Variants in OR5M1 observed in about 807,000 individuals in gnomAD.
OR5M1 encodes the protein olfactory receptor 5M1.
For missense variants in OR5M1, 367 were observed against 379.5 expected (o/e 0.97, Z 0.27); for synonymous variants, 165 against 144.2 (o/e 1.14, Z -1.04).
chr11:56,609,611 C>A lies in OR5M1; in HGVS notation c.*2944G>T, dbSNP rs901547109. ...AAAAATTTAGCAGGAGTTTCAAAAG[C>A]ATTGAAAACATTTAATTCAGCAGTT... On this transcript the variant is annotated 3_prime_UTR_variant, in exon 2 of 2. Transcript: ENST00000641076. 5 of 151,814 alleles carry A rather than the reference C, an allele frequency of 3.3e-5. No homozygotes were observed. The highest frequency in any genetic ancestry group is 1.2e-4 in the African/African-American group (5 of 41,394). 9.4% of individuals were successfully genotyped at this position (151,814 alleles called of 1,614,324 possible).
Position 56,613,425 on chromosome 11 carries a change from G to T in OR5M1, c.78C>A (p.Ile26=). ...GLTDDPVLEK[I]LFGVFLAIYL... is the part of the protein sequence containing the mutation. ...AGATCGCAAGGAATACCCCAAACAG[G>T]ATCTTCTCTAGCACTGGGTCGTCTG... The change falls in exon 2 of 2, where the codon ATC becomes ATA. Residue 26 remains isoleucine (I), a synonymous_variant. Coordinates refer to ENST00000641076, the MANE Select transcript of OR5M1 (RefSeq NM_001004740.2). The T allele has an allele frequency of 1.9e-6, 3 of 1,613,622 alleles. No homozygotes were observed. The highest frequency in any genetic ancestry group is 2.5e-6 in the Non-Finnish European group (3 of 1,179,658).
At position 56,609,425 on chromosome 11, in the gene OR5M1, C is replaced by A. The variant is rs999213841; in HGVS notation, c.*3130G>T. 4.6e-5 allele frequency: 7 copies of A among 151,886 alleles called. No homozygotes were observed. 9.4% of individuals were successfully genotyped at this position (151,886 alleles called of 1,614,324 possible). On this transcript the variant is annotated 3_prime_UTR_variant, in exon 2 of 2. Transcript: ENST00000641076. ...AATTTTTATTCTGTGCTTATTAGAACAGAATTATTTTCTAAGACTTCCCTT... is the reference window on the plus strand; with the variant it reads ...AATTTTTATTCTGTGCTTATTAGAAAAGAATTATTTTCTAAGACTTCCCTT...
chr11:56,609,488 C>T lies in OR5M1; in HGVS notation c.*3067G>A, dbSNP rs567750728. The T allele has an allele frequency of 6.6e-6, 1 of 151,890 alleles. No individual in the cohort carries two copies. Among genetic ancestry groups the T allele is most frequent in the Non-Finnish European group, 1.5e-5 (1 of 67,844 alleles). 9.4% of individuals were successfully genotyped at this position (151,890 alleles called of 1,614,324 possible). On this transcript the variant is annotated 3_prime_UTR_variant, in exon 2 of 2. Transcript: ENST00000641076. ...AAGCAAATAACCATAAACAAGAGCTCCTACTACTGATAGAGTTATAGTGAA... is the reference window on the plus strand; with the variant it reads ...AAGCAAATAACCATAAACAAGAGCTTCTACTACTGATAGAGTTATAGTGAA...
Position 56,613,142 on chromosome 11 carries a change from C to T in OR5M1, c.361G>A (p.Asp121Asn). ...EFYILASMAL[D>N]RYVAICSPLH... ...GGGCTGCAAATGGCTACATAGCGAT[C>T]CAATGCCATTGAAGCAAGGATGTAA... The change falls in exon 2 of 2, where the codon GAT (aspartate) becomes AAT (asparagine). Residue 121 changes from aspartate to asparagine, a missense_variant. Coordinates refer to ENST00000641076, the MANE Select transcript of OR5M1 (RefSeq NM_001004740.2). The T allele has an allele frequency of 6.2e-7, 1 of 1,613,784 alleles. No individual in the cohort carries two copies. Among genetic ancestry groups the T allele is most frequent in the South Asian group, 1.1e-5 (1 of 91,078 alleles).
rs1853657956 is a variant in OR5M1 at position 56,610,201 on chromosome 11, T to C, written c.*2354A>G. 1 of 152,060 alleles carries C rather than the reference T, an allele frequency of 6.6e-6. No homozygotes were observed. Among genetic ancestry groups the C allele is most frequent in the Non-Finnish European group, 1.5e-5 (1 of 67,946 alleles). The allele number at this position is 152,060 out of a possible 1,614,324, so 9.4% of individuals were successfully genotyped here. On this transcript the variant is annotated 3_prime_UTR_variant, in exon 2 of 2. Transcript: ENST00000641076. ...GTATGCCTTTGCGACTGGGAAAATA[T>C]ATTAATAAAATGCAGCCTAAATAGC...
chr11:56,612,794 C>T lies in OR5M1; in HGVS notation c.709G>A (p.Ala237Thr). ...RIRSAEGRHK[A>T]FSTCASHLTI... Reference sequence around the variant, plus strand: ...AGGTGGGAAGCACACGTAGAAAAGGCTTTGTGCCTGCCTTCAGCAGAACGG... The same window carrying T: ...AGGTGGGAAGCACACGTAGAAAAGGTTTTGTGCCTGCCTTCAGCAGAACGG... The change falls in exon 2 of 2, where the codon GCC becomes ACC. Residue 237 changes from alanine (A) to threonine (T), a missense_variant. Ala to Thr is a moderately conservative substitution (Grantham distance 58, BLOSUM62 0). Transcript: ENST00000641076. 1 of 1,613,734 alleles carries T rather than the reference C, an allele frequency of 6.2e-7. No individual in the cohort carries two copies. The highest frequency in any genetic ancestry group is 8.5e-7 in the Non-Finnish European group (1 of 1,179,766).
chr11:56,609,344 C>A lies in OR5M1; in HGVS notation c.*3211G>T, dbSNP rs1363819555. 6.6e-6 allele frequency: 1 copy of A among 151,834 alleles called. No homozygotes were observed. Among genetic ancestry groups the A allele is most frequent in the East Asian group, 1.9e-4 (1 of 5,184 alleles). 9.4% of individuals were successfully genotyped at this position (151,834 alleles called of 1,614,324 possible). ...TCATGCAAGAAATTATCAGCAATAG[C>A]ATGAAGAGAAATTATCAACCTTATG... is the stretch of plus-strand genomic sequence containing the variant. On this transcript the variant is annotated 3_prime_UTR_variant, in exon 2 of 2. Coordinates refer to ENST00000641076, the MANE Select transcript of OR5M1 (RefSeq NM_001004740.2).
rs1853673433 is a variant in OR5M1 at position 56,611,207 on chromosome 11, C to G, written c.*1348G>C. 1.3e-5 allele frequency: 2 copies of G among 152,048 alleles called. No homozygotes were observed. Among genetic ancestry groups the G allele is most frequent in the Admixed American group, 1.3e-4 (2 of 15,222 alleles). 9.4% of individuals were successfully genotyped at this position (152,048 alleles called of 1,614,324 possible). On this transcript the variant is annotated 3_prime_UTR_variant, in exon 2 of 2. Transcript: ENST00000641076. The stretch of plus-strand genomic sequence containing the variant: ...TCCTCTGTTGTCCCACCATCATTGC[C>G]AAAACCAAGCAAATACAAAAACAAA...
Position 56,612,597 on chromosome 11 carries a change from T to C in OR5M1, c.906A>G (p.Gln302=). 6.2e-7 allele frequency: 1 copy of C among 1,606,348 alleles called. No individual in the cohort carries two copies. Among genetic ancestry groups the C allele is most frequent in the South Asian group, 1.1e-5 (1 of 89,060 alleles). The change falls in exon 2 of 2, where the codon CAA becomes CAG. Residue 302 remains glutamine (Q), a synonymous_variant. Transcript: ENST00000641076. The part of the protein sequence containing the change: ...LRNTDVILAM[Q]QMIRGKSFHK... ...GAAAGGATTTTCCCCTAATCATTTG[T>C]TGCATGGCAAGGATTACATCTGTGT...
At position 56,609,274 on chromosome 11, in the gene OR5M1, A is replaced by G. The variant is rs930040616; in HGVS notation, c.*3281T>C. The G allele has an allele frequency of 6.6e-6, 1 of 151,988 alleles. No homozygotes were observed. The highest frequency in any genetic ancestry group is 1.5e-5 in the Non-Finnish European group (1 of 67,856). 9.4% of individuals were successfully genotyped at this position (151,988 alleles called of 1,614,324 possible). On this transcript the variant is annotated 3_prime_UTR_variant, in exon 2 of 2. Coordinates refer to ENST00000641076, the MANE Select transcript of OR5M1 (RefSeq NM_001004740.2). ...GATGAGGAAAACTTACATAACAGCA[A>G]TAAGCAAAAGGTCACATTTTTCCAA...
Position 56,612,461 on chromosome 11 carries a change from G to T in OR5M1, c.*94C>A. On this transcript the variant is annotated 3_prime_UTR_variant, in exon 2 of 2. Coordinates refer to ENST00000641076, the MANE Select transcript of OR5M1 (RefSeq NM_001004740.2). ...AGTAAAGTGGTTACTGACAGTCCATGATGTTAAATAAATCACGACTACACT... is the reference window on the plus strand; with the variant it reads ...AGTAAAGTGGTTACTGACAGTCCATTATGTTAAATAAATCACGACTACACT... 2.4e-6 allele frequency: 2 copies of T among 847,970 alleles called. No individual in the cohort carries two copies. Among genetic ancestry groups the T allele is most frequent in the Non-Finnish European group, 3.7e-6 (2 of 538,110 alleles). 52.5% of individuals were successfully genotyped at this position (847,970 alleles called of 1,614,324 possible). A position where few individuals can be genotyped will look rare whatever the true frequency, so the allele number is the denominator to read the frequency against.
Position 56,613,345 on chromosome 11 carries a change from G to C in OR5M1, c.158C>G (p.Ser53Cys). 1 of 1,613,690 alleles carries C rather than the reference G, an allele frequency of 6.2e-7. No individual in the cohort carries two copies. Among genetic ancestry groups the C allele is most frequent in the Non-Finnish European group, 8.5e-7 (1 of 1,179,666 alleles). Residue 53 changes from serine (S) to cysteine (C), a missense_variant, in exon 2 of 2, where the codon TCC becomes TGC. Physicochemically the swap from Ser to Cys is moderately radical, Grantham distance 112 (BLOSUM62 -1). Transcript: ENST00000641076. ...GAAATACATGGGTGTTTGCAGGTGG[G>C]AATTGGTCCTGATCAGCAGGATCAT... The part of the protein sequence containing the change: ...LCMILLIRTN[S>C]HLQTPMYFFL...
rs777854353 is a variant in OR5M1 at position 56,613,380 on chromosome 11, G to T, written c.123C>A (p.Gly41=). 8.7e-6 allele frequency: 14 copies of T among 1,613,582 alleles called. No homozygotes were observed. In the East Asian group the frequency reaches 2.5e-4, roughly 28 times the overall value. ...TGATCAGCAGGATCATGCACAGGTT[G>T]CCTGCCAGTGTGATTAGGTAGATCG... is the stretch of plus-strand genomic sequence containing the variant. ...FLAIYLITLA[G]NLCMILLIRT... is the part of the protein sequence containing the mutation. The change falls in exon 2 of 2, where the codon GGC becomes GGA. Residue 41 remains glycine, a synonymous_variant. Transcript: ENST00000641076.
chr11:56,614,028 T>C (rs746533153), intron 1 of OR5M1, among the ~76,000 whole-genome samples: 85 of 152,200 alleles, frequency 5.6e-4, no homozygotes, highest in Non-Finnish European at 5.6e-4. Flanking sequence ...TTAAGACCCA[T>C]AGCTGTGTGC....
chr11:56,614,113 G>GA (rs1853716100), intron 1 of OR5M1, among the ~76,000 whole-genome samples: 1 of 152,174 alleles, frequency 6.6e-6, no homozygotes. Context: ...GGTACAAAAT[G>GA]AAGACTTGTT....
chr11:56,613,010 G>T lies in OR5M1; in HGVS notation c.493C>A (p.His165Asn). ...TCAAGGGAGCCACAGAAGGATAAGT[G>T]AAAGGTTAGCAGTGACTGAGAGAAC... ...SGFSQSLLTFHLSFCGSLEIN... is the reference protein window; with the variant it reads ...SGFSQSLLTFNLSFCGSLEIN... Residue 165 changes from histidine to asparagine, a missense_variant, in exon 2 of 2, where the codon CAC becomes AAC. Transcript: ENST00000641076. 2 of 1,613,872 alleles carry T rather than the reference G, an allele frequency of 1.2e-6. No homozygotes were observed. The highest frequency in any genetic ancestry group is 1.7e-6 in the Non-Finnish European group (2 of 1,179,838).
Position 56,612,847 on chromosome 11 carries a change from A to AGAT in OR5M1, c.653_655dup (p.Tyr218_Leu219insHis), listed in dbSNP as rs762472543. 13 of 1,613,670 alleles carry AGAT rather than the reference A, an allele frequency of 8.1e-6. No individual in the cohort carries two copies. The South Asian group carries it at 1.3e-4, about 16-fold the overall frequency. On this transcript the variant is annotated inframe_insertion, in exon 2 of 2. Coordinates refer to ENST00000641076, the MANE Select transcript of OR5M1 (RefSeq NM_001004740.2). ...CCTGAAGATCGCTGCAAAAATGAAA[A>AGAT]GATAGGACAGAAGAATGATGAAGAG...
At position 56,610,227 on chromosome 11, in the gene OR5M1, A is replaced by C. The variant is rs1255634909; in HGVS notation, c.*2328T>G. 2 of 152,028 alleles carry C rather than the reference A, an allele frequency of 1.3e-5. No individual in the cohort carries two copies. Among genetic ancestry groups the C allele is most frequent in the Non-Finnish European group, 2.9e-5 (2 of 67,940 alleles). 9.4% of individuals were successfully genotyped at this position (152,028 alleles called of 1,614,324 possible). A position where few individuals can be genotyped will look rare whatever the true frequency, so the allele number is the denominator to read the frequency against. On this transcript the variant is annotated 3_prime_UTR_variant, in exon 2 of 2. Transcript: ENST00000641076. ...ATTAATAAAATGCAGCCTAAATAGC[A>C]TATATGTCTTCTGTATATCAAAATT...
In OR5M1 at chr11:56,612,309, T is replaced by C. The variant is rs760273648; in HGVS notation, c.*246A>G. 4.5e-5 allele frequency: 12 copies of C among 265,432 alleles called. No homozygotes were observed. The highest frequency in any genetic ancestry group is 4.4e-5 in the African/African-American group (2 of 45,050). 16.4% of individuals were successfully genotyped at this position (265,432 alleles called of 1,614,324 possible). A position where few individuals can be genotyped will look rare whatever the true frequency, so the allele number is the denominator to read the frequency against. ...AGTAAGTAAACATAGTATTTTCATA[T>C]AGAATTATTAGATACTAAAAAATTT... On this transcript the variant is annotated 3_prime_UTR_variant, in exon 2 of 2. Transcript: ENST00000641076.
Sources: gnomAD v4.1 joint callset for allele counts (sites outside exome capture counted in the v4.1 genomes callset) on GRCh38, gnomAD v4.1.1 for gene constraint, MANE v1.5 for transcripts, NCBI Gene and HGNC (gene_info 2026-07-23, HGNC 2026-07-21) for gene names.